Variants in TENM1 observed in about 807,000 individuals in gnomAD.
The protein encoded by TENM1 is teneurin transmembrane protein 1, also known as teneurin-1.
TENM1 carries 35 observed loss-of-function variants against 174.8 expected under a neutral mutation model. That is an observed-to-expected ratio of 0.20 (90% CI 0.15 to 0.27). The LOEUF (loss-of-function observed/expected upper bound fraction) is 0.27, where lower values mean the gene tolerates loss of function less well. TENM1 is among the 10% of genes least tolerant of loss of function. The pLI, the probability that TENM1 is intolerant of heterozygous loss-of-function variation, is 1.00. For synonymous variants in TENM1, 781 were observed against 798.7 expected (o/e 0.98, Z 0.37); for missense variants, 1,633 against 2,130.1 (o/e 0.77, Z 4.59).
intron 4 of TENM1, among the ~76,000 whole-genome samples, chrX:124,725,138 C>G (rs1365278274): frequency 9.0e-6 from 1 of 111,063 alleles, no homozygotes; most frequent in Admixed American, 9.5e-5. Flanking sequence ...TAAGAGGTAT[C>G]TTTGACTCCT....
rs145823199 is a variant in TENM1 at position 124,480,611 on chromosome X, A to T, written c.3949+1121T>A. ...CATGGAAAAGTCTAGAAGGATAAAT[A>T]CTAAAATGTTTACAGTGGTTTTCTA... On this transcript the variant is annotated intron_variant, in intron 22 of 31. Transcript: ENST00000422452. 8.4e-3 allele frequency among the ~76,000 whole-genome samples: 946 copies of T among 112,149 alleles called. 4 individuals carry two copies. Among genetic ancestry groups the T allele is most frequent in the Middle Eastern group, 0.014 (3 of 217 alleles).
intron 27 of TENM1, among the ~76,000 whole-genome samples, chrX:124,400,993 G>A (rs1350442000): frequency 9.0e-6 from 1 of 111,640 alleles, no homozygotes; most frequent in Non-Finnish European, 1.9e-5. Context: ...GGATGTTAAT[G>A]TGACTTATTT....
At chrX:124,589,898 T>C (rs936586206) in intron 11 of TENM1, among the ~76,000 whole-genome samples, 1 of 111,686 alleles carries the variant, frequency 9.0e-6, no homozygotes, top group Non-Finnish European at 1.9e-5. Flanking sequence ...GCTTGGATTT[T>C]TGAGTTTAAT....
chrX:125,034,020 T>C, the TENM1 span, among the ~76,000 whole-genome samples: 1 of 111,573 alleles, frequency 9.0e-6, no homozygotes, highest in African/African-American at 3.3e-5. Context: ...AACAACACTG[T>C]GAGACAGACA....
intron 23 of TENM1, among the ~76,000 whole-genome samples, chrX:124,428,271 A>G (rs2060740848): frequency 8.9e-6 from 1 of 111,812 alleles, no homozygotes; most frequent in African/African-American, 3.3e-5. Context: ...ACTTGCCTTG[A>G]AGGGAGTTGA....
intron 25 of TENM1, chrX:124,411,802 A>G (rs1371282957): frequency 8.9e-6 from 1 of 112,270 alleles, no homozygotes; most frequent in Non-Finnish European, 1.9e-5. Context: ...AGCTTACTTG[A>G]GTTTTTTCTG....
intron 23 of TENM1, among the ~76,000 whole-genome samples, chrX:124,443,536 G>A (rs1195176753): frequency 2.7e-5 from 3 of 111,904 alleles, no homozygotes; most frequent in African/African-American, 9.8e-5. Context: ...ACTTTTTTGT[G>A]TAATTATTGA....
intron 1 of TENM1, among the ~76,000 whole-genome samples, chrX:124,907,962 T>C (rs1384750123): frequency 9.0e-6 from 1 of 111,715 alleles, no homozygotes; most frequent in East Asian, 2.8e-4. Context: ...AAAACTAACT[T>C]ATCTCAGTTA....
At chrX:124,912,908 G>A (rs183599078) in intron 1 of TENM1, among the ~76,000 whole-genome samples, 164 of 111,020 alleles carry the variant, frequency 1.5e-3, no homozygotes, top group African/African-American at 5.0e-3. Flanking sequence ...TAACTGGAAA[G>A]GCCATTTTGA....
chrX:125,195,892 T>G, the TENM1 span, among the ~76,000 whole-genome samples: 1 of 110,193 alleles, frequency 9.1e-6, no homozygotes, highest in Non-Finnish European at 1.9e-5. Flanking sequence ...CTCCCAATAT[T>G]TTAGTGAGTG....
intron 3 of TENM1, among the ~76,000 whole-genome samples, chrX:124,761,165 C>G (rs957402065): frequency 2.7e-5 from 3 of 111,076 alleles, no homozygotes; most frequent in Admixed American, 9.6e-5. Context: ...ATTGGAAATA[C>G]CATTTGACCC....
At chrX:124,898,106 AC>A (rs2057593608) in intron 1 of TENM1, among the ~76,000 whole-genome samples, 2 of 111,824 alleles carry the variant, frequency 1.8e-5, no homozygotes, top group East Asian at 5.6e-4. Context: ...TGGCTCTCAA[AC>A]TTGGCTGCTT....
intron 22 of TENM1, among the ~76,000 whole-genome samples, chrX:124,471,418 A>ACT (rs756505731): frequency 0.38 from 7,700 of 20,181 alleles, 2,174 homozygotes; most frequent in Non-Finnish European, 0.43. Flanking sequence ...AATATATAGT[A>ACT]ATATATTATA....
chrX:124,645,596 T>C (rs769277094), intron 9 of TENM1, among the ~76,000 whole-genome samples: 2 of 112,394 alleles, frequency 1.8e-5, no homozygotes, highest in South Asian at 7.4e-4. Context: ...TAAACTGTTA[T>C]TGTTATTATT....
intron 11 of TENM1, among the ~76,000 whole-genome samples, chrX:124,604,632 C>T (rs539510884): frequency 2.6e-4 from 29 of 110,975 alleles, no homozygotes; most frequent in East Asian, 8.6e-4. Context: ...TCTAAGATGG[C>T]GTCTTCATTT....
At chrX:125,066,817 T>C in the TENM1 span, among the ~76,000 whole-genome samples, 1 of 111,998 alleles carries the variant, frequency 8.9e-6, no homozygotes, top group Non-Finnish European at 1.9e-5. Flanking sequence ...CAGGCAAACA[T>C]AGTTTTATTT....
chrX:124,738,026 C>T (rs2053716454), intron 3 of TENM1, among the ~76,000 whole-genome samples: 1 of 111,813 alleles, frequency 8.9e-6, no homozygotes, highest in South Asian at 3.8e-4. Flanking sequence ...GTTTTCCTGG[C>T]AGGCACACGT....
At chrX:124,511,334 C>T (rs1346501249) in intron 18 of TENM1, among the ~76,000 whole-genome samples, 1 of 111,852 alleles carries the variant, frequency 8.9e-6, no homozygotes, top group Non-Finnish European at 1.9e-5. Flanking sequence ...ATAAAACAGC[C>T]CTGCTTTCAG....
intron 3 of TENM1, among the ~76,000 whole-genome samples, chrX:124,815,974 T>G (rs1392906980): frequency 8.9e-6 from 1 of 111,897 alleles, no homozygotes; most frequent in African/African-American, 3.2e-5. Context: ...TGGAAGTAAG[T>G]AAAAGAATTT....
Sources: gnomAD v4.1 joint callset for allele counts (sites outside exome capture counted in the v4.1 genomes callset) on GRCh38, gnomAD v4.1.1 for gene constraint, MANE v1.5 for transcripts, NCBI Gene and HGNC (gene_info 2026-07-23, HGNC 2026-07-21) for gene names.